The following CLYBL variants were observed in gnomAD, a reference collection of about 807,000 sequenced individuals.
CLYBL encodes citramalyl-CoA lyase, mitochondrial.
CLYBL carries 31 observed loss-of-function variants against 38.9 expected under a neutral mutation model. The observed-to-expected ratio is 0.80, with a 90% CI of 0.60 to 1.08. CLYBL has a LOEUF of 1.08. Among genes scored for constraint, CLYBL ranks in the 50% least tolerant of loss-of-function variants. CLYBL has a pLI of 0.00. For synonymous variants in CLYBL, 171 were observed against 158.6 expected, an observed-to-expected ratio of 1.08 and a Z score of -0.59; for missense variants, 434 against 411.6, an observed-to-expected ratio of 1.05 and a Z score of -0.47.
chr13:99,653,955 C>T (rs1272191357), intron 1 of CLYBL, among the ~76,000 whole-genome samples: 2 of 152,192 alleles, frequency 1.3e-5, no homozygotes, highest in African/African-American at 4.8e-5. Context: ...TTCTTCCCCC[C>T]TCACTTGAAA....
At chr13:99,876,503 T>C (rs994798339) in intron 7 of CLYBL, among the ~76,000 whole-genome samples, 1 of 152,158 alleles carries the variant, frequency 6.6e-6, no homozygotes, top group Non-Finnish European at 1.5e-5. Flanking sequence ...GTCCTTAATT[T>C]ATAACACACT....
rs115061049 is a variant in CLYBL at position 99,778,879 on chromosome 13, T to C, written c.249+5869T>C. Among the ~76,000 whole-genome samples the C allele has an allele frequency of 3.9e-3, 587 of 152,336 alleles. 2 individuals carry two copies. Among genetic ancestry groups the C allele is most frequent in the African/African-American group, 0.014 (571 of 41,576 alleles). On this transcript the variant is annotated intron_variant, in intron 2 of 8. Transcript: ENST00000339105. ...AGCTGCCATTTCAGTTGAATGGATA[T>C]TTAAACAATTCTTTAAATTTATTTA...
chr13:99,811,825 C>T (rs941323788), intron 2 of CLYBL, among the ~76,000 whole-genome samples: 1 of 152,120 alleles, frequency 6.6e-6, no homozygotes, highest in African/African-American at 2.4e-5. Flanking sequence ...TGGAATATAA[C>T]CGACTGAGAG....
chr13:99,673,895 C>T (rs74453095), intron 1 of CLYBL, among the ~76,000 whole-genome samples: 4,550 of 152,076 alleles, frequency 0.03, 237 homozygotes, highest in African/African-American at 0.1. Context: ...GGATATGTTT[C>T]GAAGCAGAAT....
intron 2 of CLYBL, among the ~76,000 whole-genome samples, chr13:99,810,450 A>C (rs1594196726): frequency 6.6e-6 from 1 of 152,074 alleles, no homozygotes; most frequent in African/African-American, 2.4e-5. Flanking sequence ...CTGTGGGTGG[A>C]GGGGGAGGCA....
chr13:99,832,448 C>T (rs1244792631), intron 2 of CLYBL, among the ~76,000 whole-genome samples: 1 of 152,084 alleles, frequency 6.6e-6, no homozygotes. Context: ...ACCTGGTACC[C>T]AGGTAGAAGA....
chr13:99,678,136 G>A (rs983086859), intron 1 of CLYBL, among the ~76,000 whole-genome samples: 3 of 152,184 alleles, frequency 2.0e-5, no homozygotes, highest in Admixed American at 6.5e-5. Context: ...AAAGGCAATG[G>A]CATTACCGAT....
intron 1 of CLYBL, among the ~76,000 whole-genome samples, chr13:99,637,494 C>T (rs1594095120): frequency 6.6e-6 from 1 of 152,324 alleles, no homozygotes; most frequent in East Asian, 1.9e-4. Context: ...GGCACGGTGG[C>T]TCACGCCTGT....
chr13:99,606,704 A>T lies in CLYBL; in HGVS notation c.9A>T (p.Leu3=). MA[L]RLLRRAARGA... Reference sequence around the variant, plus strand: ...GCGCGCGCGTCGGGAAGATGGCGCTACGTCTGCTGCGGAGGGCGGCGCGCG... The same window carrying T: ...GCGCGCGCGTCGGGAAGATGGCGCTTCGTCTGCTGCGGAGGGCGGCGCGCG... Residue 3 remains leucine, a synonymous_variant, in exon 1 of 9, where the codon CTA becomes CTT. Transcript: ENST00000339105. The T allele has an allele frequency of 1.3e-6, 2 of 1,493,286 alleles. No individual in the cohort carries two copies. The highest frequency in any genetic ancestry group is 1.8e-6 in the Non-Finnish European group (2 of 1,127,996). The allele number at this position is 1,493,286 out of a possible 1,614,324, so 92.5% of individuals were successfully genotyped here.
At chr13:99,757,460 A>G (rs2049085415) in intron 1 of CLYBL, among the ~76,000 whole-genome samples, 1 of 151,684 alleles carries the variant, frequency 6.6e-6, no homozygotes, top group African/African-American at 2.4e-5. Flanking sequence ...ATTTTTATTT[A>G]TTTATTTATT....
At position 99,849,579 on chromosome 13, in the gene CLYBL, C is replaced by A. The variant is rs937069025; in HGVS notation, c.250-9282C>A. ...CTGAATCATAAAACATCGGCAGTGC[C>A]CGCCCACCAAGGGCATCTTCTCAGC... On this transcript the variant is annotated intron_variant, in intron 2 of 8. Transcript: ENST00000339105. This position sits in a 1 kb window ranked among gnomAD's most constrained non-coding sequence, Gnocchi z 4.9. 1.3e-5 allele frequency among the ~76,000 whole-genome samples: 2 copies of A among 152,186 alleles called. No individual in the cohort carries two copies. The highest frequency in any genetic ancestry group is 4.8e-5 in the African/African-American group (2 of 41,440).
In CLYBL at chr13:99,869,569, A is replaced by G. The variant is rs1392140072; in HGVS notation, c.803-1369A>G. On this transcript the variant is annotated intron_variant, in intron 6 of 8. Transcript: ENST00000339105. The surrounding 1 kb of genome is among the most constrained non-coding windows in gnomAD (Gnocchi z 4.3). ...ACATTTTATTAGTATGCTGACAGAA[A>G]AGAATGAAATAGCAATGTGAGGATG... Among the ~76,000 whole-genome samples, 1 of 152,156 alleles carries G rather than the reference A, an allele frequency of 6.6e-6. No individual in the cohort carries two copies. Among genetic ancestry groups the G allele is most frequent in the Non-Finnish European group, 1.5e-5 (1 of 67,984 alleles).
In CLYBL at chr13:99,744,344, G is replaced by C. The variant is rs542729498; in HGVS notation, c.63-28480G>C. 2.2e-4 allele frequency among the ~76,000 whole-genome samples: 33 copies of C among 152,252 alleles called. 2 individuals carry two copies. The South Asian group carries it at 5.2e-3, about 24-fold the overall frequency. ...AAGTTTGCTCCCTTATTTGACTTTT[G>C]AATAGTTACTCATCACACCTACACT... is the stretch of plus-strand genomic sequence containing the variant. On this transcript the variant is annotated intron_variant, in intron 1 of 8. Transcript: ENST00000339105.
chr13:99,612,161 G>A (rs1022616463), intron 1 of CLYBL, among the ~76,000 whole-genome samples: 2 of 151,976 alleles, frequency 1.3e-5, no homozygotes, highest in African/African-American at 4.8e-5. Flanking sequence ...CTTGATATTT[G>A]TAATTCTTTT....
chr13:99,788,503 T>C (rs956538922), intron 2 of CLYBL, among the ~76,000 whole-genome samples: 3 of 152,214 alleles, frequency 2.0e-5, no homozygotes, highest in Non-Finnish European at 4.4e-5. Context: ...GGATTACCTT[T>C]ATTGATTTGC....
intron 2 of CLYBL, among the ~76,000 whole-genome samples, chr13:99,829,222 T>C (rs2050757170): frequency 6.6e-6 from 1 of 152,218 alleles, no homozygotes; most frequent in South Asian, 2.1e-4. Flanking sequence ...CTCTTGTGAA[T>C]AGGCACCGTA....
At chr13:99,870,657 C>T (rs2051865126) in intron 6 of CLYBL, among the ~76,000 whole-genome samples, 1 of 152,134 alleles carries the variant, frequency 6.6e-6, no homozygotes, top group Non-Finnish European at 1.5e-5. Flanking sequence ...AGTCAGCCCA[C>T]CTGTAACTAA....
At chr13:99,880,064 A>AT (rs1489881415) in intron 7 of CLYBL, among the ~76,000 whole-genome samples, 4 of 61,882 alleles carry the variant, frequency 6.5e-5, no homozygotes, top group African/African-American at 2.1e-4. Context: ...ATATATATAT[A>AT]TATATTTTTT....
intron 4 of CLYBL, 115 bp from the exon 5 acceptor site, chr13:99,864,700 ACTG>A (rs2051695066): frequency 1.4e-6 from 1 of 704,728 alleles, no homozygotes; most frequent in Admixed American, 2.3e-5. Flanking sequence ...CGTTTTTAGG[ACTG>A]CTTTCAGCCA....
Sources: allele counts gnomAD v4.1 joint callset (sites outside exome capture counted in the v4.1 genomes callset), GRCh38; gene constraint gnomAD v4.1.1; non-coding constraint Gnocchi (gnomAD v3.1); transcripts MANE v1.5; gene names NCBI Gene and HGNC (gene_info 2026-07-23, HGNC 2026-07-21).